Variants in NAB1 observed in about 807,000 individuals in gnomAD.
NAB1 encodes the protein NGFI-A-binding protein 1.
In NAB1, 25 loss-of-function variants were observed where a neutral mutation model predicts 49.9. The observed-to-expected ratio is 0.50, with a 90% CI of 0.37 to 0.70. NAB1 has a LOEUF of 0.70. NAB1 is among the 30% of genes least tolerant of loss of function. The pLI, the probability that NAB1 is intolerant of heterozygous loss-of-function variation, is 0.00. For synonymous variants in NAB1, 198 were observed against 215.6 expected (o/e 0.92, Z 0.71); for missense variants, 489 against 575.9 (o/e 0.85, Z 1.54).
Position 190,673,082 on chromosome 2 carries a change from T to C in NAB1, c.954-19T>C, listed in dbSNP as rs750903508. ...ACTTTCTCAAGTTTTTTTTTTTTTT[T>C]CTCTCCCCTTTCCCTTAGGTCAAAA... On this transcript the variant is annotated intron_variant, in intron 5 of 9. Transcript: ENST00000337386. 132 of 1,586,028 alleles carry C rather than the reference T, an allele frequency of 8.3e-5. No homozygotes were observed. Among genetic ancestry groups the C allele is most frequent in the Non-Finnish European group, 1.1e-4 (126 of 1,167,740 alleles).
At position 190,689,539 on chromosome 2, in the gene NAB1, G is replaced by A. The variant is rs1041043539; in HGVS notation, c.1376-706G>A. ...GTGATGTGGATGTTTGCATGTATAT[G>A]TGTGTGTACATATCTCCCAGTATTT... On this transcript the variant is annotated intron_variant, in intron 9 of 9. Transcript: ENST00000337386. This position sits in a 1 kb window ranked among gnomAD's most constrained non-coding sequence, Gnocchi z 4.3. Among the ~76,000 whole-genome samples the A allele has an allele frequency of 6.6e-6, 1 of 152,166 alleles. No homozygotes were observed. The highest frequency in any genetic ancestry group is 1.5e-5 in the Non-Finnish European group (1 of 68,022).
intron 6 of NAB1, 78 bp downstream of exon 6, chr2:190,673,230 C>A: frequency 7.3e-7 from 1 of 1,366,548 alleles, no homozygotes; most frequent in Non-Finnish European, 1.0e-6. Flanking sequence ...TTAACTAGTT[C>A]AGACAAAAAA....
Position 190,686,737 on chromosome 2 carries a change from A to G in NAB1, c.1259-464A>G, listed in dbSNP as rs570072865. Among the ~76,000 whole-genome samples, 5 of 152,030 alleles carry G rather than the reference A, an allele frequency of 3.3e-5. No individual in the cohort carries two copies. The highest frequency in any genetic ancestry group is 5.9e-5 in the Non-Finnish European group (4 of 68,006). On this transcript the variant is annotated intron_variant, in intron 8 of 9. Transcript: ENST00000337386. The surrounding 1 kb of genome is among the most constrained non-coding windows in gnomAD (Gnocchi z 5.5). ...AGTACATGACAACATGATTGGGTGT[A>G]TAATTTTTTCCCATATTTGTGCTAA...
At chr2:190,653,160 C>T (rs1693751852) in intron 2 of NAB1, among the ~76,000 whole-genome samples, 1 of 152,140 alleles carries the variant, frequency 6.6e-6, no homozygotes, top group African/African-American at 2.4e-5. Flanking sequence ...ACCCATTTCA[C>T]CCTTCTCTCA....
intron 2 of NAB1, among the ~76,000 whole-genome samples, chr2:190,653,110 CTTGT>C (rs1428792596): frequency 2.0e-5 from 3 of 152,168 alleles, no homozygotes; most frequent in Non-Finnish European, 2.9e-5. Flanking sequence ...AAATCAAATT[CTTGT>C]TTGTTATAAA....
intron 4 of NAB1, among the ~76,000 whole-genome samples, chr2:190,668,667 A>G (rs934474356): frequency 6.6e-6 from 1 of 152,220 alleles, no homozygotes; most frequent in Non-Finnish European, 1.5e-5. Flanking sequence ...GAATATTGTC[A>G]TTCTGGATGG....
intron 4 of NAB1, among the ~76,000 whole-genome samples, chr2:190,664,790 T>TTA (rs1396795958): frequency 1.3e-5 from 2 of 151,810 alleles, no homozygotes; most frequent in Non-Finnish European, 2.9e-5. Context: ...AATCCATGTT[T>TTA]TATATATATC....
In NAB1 at chr2:190,675,099, G is replaced by A. The variant is rs1695007005; in HGVS notation, c.1005+1947G>A. The stretch of plus-strand genomic sequence containing the variant: ...GTTAATGACTCACTGCCACTGAAAG[G>A]GAAAGGCAGGTGAACATAGAAACTG... On this transcript the variant is annotated intron_variant, in intron 6 of 9. Coordinates refer to ENST00000337386, the MANE Select transcript of NAB1 (RefSeq NM_005966.4). This position sits in a 1 kb window ranked among gnomAD's most constrained non-coding sequence, Gnocchi z 5.2. Among the ~76,000 whole-genome samples the A allele has an allele frequency of 6.6e-6, 1 of 152,224 alleles. No homozygotes were observed. The highest frequency in any genetic ancestry group is 1.5e-5 in the Non-Finnish European group (1 of 68,036).
At position 190,684,468 on chromosome 2, in the gene NAB1, T is replaced by C. The variant is rs184205010; in HGVS notation, c.1095+641T>C. Among the ~76,000 whole-genome samples, 533 of 152,300 alleles carry C rather than the reference T, an allele frequency of 3.5e-3. 4 individuals are homozygous for C. The highest frequency in any genetic ancestry group is 4.9e-3 in the Non-Finnish European group (330 of 68,010). ...TTTTCATGTTAGGATGAAAAATACA[T>C]TTTTTACCTCAGATATGCTTATTTA... On this transcript the variant is annotated intron_variant, in intron 7 of 9. Coordinates refer to ENST00000337386, the MANE Select transcript of NAB1 (RefSeq NM_005966.4). This position sits in a 1 kb window ranked among gnomAD's most constrained non-coding sequence, Gnocchi z 4.6.
At position 190,677,551 on chromosome 2, in the gene NAB1, TTA is replaced by T. The variant is rs1425948402; in HGVS notation, c.1005+4401_1005+4402del. The T allele has an allele frequency of 6.6e-6, 1 of 152,248 alleles. No individual in the cohort carries two copies. The highest frequency in any genetic ancestry group is 1.9e-4 in the East Asian group (1 of 5,208). The allele number at this position is 152,248 out of a possible 1,614,324, so 9.4% of individuals were successfully genotyped here. A position where few individuals can be genotyped will look rare whatever the true frequency, so the allele number is the denominator to read the frequency against. On this transcript the variant is annotated intron_variant, in intron 6 of 9. Coordinates refer to ENST00000337386, the MANE Select transcript of NAB1 (RefSeq NM_005966.4). The surrounding 1 kb of genome is among the most constrained non-coding windows in gnomAD (Gnocchi z 5.6). ...GAAAATAGATTTTGTTTATTCTTAC[TTA>T]TCTTTTGAATTAGATCTAATTAAAT...
rs1694982468 is a variant in NAB1, at chr2:190,674,605, C to T, written c.1005+1453C>T. Among the ~76,000 whole-genome samples the T allele has an allele frequency of 6.6e-6, 1 of 152,224 alleles. No individual in the cohort carries two copies. Among genetic ancestry groups the T allele is most frequent in the African/African-American group, 2.4e-5 (1 of 41,452 alleles). On this transcript the variant is annotated intron_variant, in intron 6 of 9. Transcript: ENST00000337386. This position sits in a 1 kb window ranked among gnomAD's most constrained non-coding sequence, Gnocchi z 5.7. ...GCTGCTGTATACTTAGAGTTTGTAACAGCCTTGCACCTAATAGGCACTTAA... is the reference window on the plus strand; with the variant it reads ...GCTGCTGTATACTTAGAGTTTGTAATAGCCTTGCACCTAATAGGCACTTAA...
rs1241440981 is a variant in NAB1, at chr2:190,687,208, A to T, written c.1266A>T (p.Arg422Ser). ...CTTTTTTCTTTTCATTAGGAGAAAG[A>T]CCTTTGAATCTCCGAATGCCTAATT... ...TSDNSDGQGE[R>S]PLNLRMPNLQ... Residue 422 changes from arginine to serine, a missense_variant, in exon 9 of 10, where the codon AGA (arginine) becomes AGT (serine). By Grantham distance (110) the Arg-to-Ser change is moderately radical. Transcript: ENST00000337386. The T allele has an allele frequency of 4.5e-6, 7 of 1,568,430 alleles. No homozygotes were observed. Among genetic ancestry groups the T allele is most frequent in the Non-Finnish European group, 6.0e-6 (7 of 1,163,868 alleles).
In NAB1 at chr2:190,669,634, T is replaced by C. The variant is rs1002521282; in HGVS notation, c.820-692T>C. ...TTTCCTATATCTATTGACAAAATTA[T>C]GTGAAAAAATTTCTAGTTTGTTAAA... is the stretch of plus-strand genomic sequence containing the variant. On this transcript the variant is annotated intron_variant, in intron 4 of 9. Coordinates refer to ENST00000337386, the MANE Select transcript of NAB1 (RefSeq NM_005966.4). This position sits in a 1 kb window ranked among gnomAD's most constrained non-coding sequence, Gnocchi z 4.3. Among the ~76,000 whole-genome samples the C allele has an allele frequency of 6.6e-6, 1 of 152,216 alleles. No individual in the cohort carries two copies. Among genetic ancestry groups the C allele is most frequent in the African/African-American group, 2.4e-5 (1 of 41,452 alleles).
chr2:190,672,964 C>T, intron 5 of NAB1, 137 bp from the exon 6 acceptor site: 1 of 712,548 alleles, frequency 1.4e-6, no homozygotes, highest in African/African-American at 1.8e-5. Context: ...TTTTAATGAT[C>T]ATTATGAATA....
chr2:190,662,348 A>G (rs1463350475), intron 4 of NAB1, among the ~76,000 whole-genome samples: 2 of 151,764 alleles, frequency 1.3e-5, no homozygotes, highest in Non-Finnish European at 2.9e-5. Context: ...CCAAATGTAC[A>G]CCGTAAAGAA....
rs115686837 is a variant in NAB1, at chr2:190,675,920, A to G, written c.1005+2768A>G. On this transcript the variant is annotated intron_variant, in intron 6 of 9. Coordinates refer to ENST00000337386, the MANE Select transcript of NAB1 (RefSeq NM_005966.4). The surrounding 1 kb of genome is among the most constrained non-coding windows in gnomAD (Gnocchi z 5.2). ...GATGGTGTAATCCTTTGCAAAATAT[A>G]TAGTATTGGTATGAATCCTTGTCTG... 8.8e-3 allele frequency among the ~76,000 whole-genome samples: 1,338 copies of G among 152,284 alleles called. 24 individuals carry two copies. Among genetic ancestry groups the G allele is most frequent in the African/African-American group, 0.03 (1,257 of 41,564 alleles).
chr2:190,690,481 G>A lies in NAB1; in HGVS notation c.*148G>A. 1 of 568,564 alleles carries A rather than the reference G, an allele frequency of 1.8e-6. No individual in the cohort carries two copies. Among genetic ancestry groups the A allele is most frequent in the East Asian group, 2.7e-5 (1 of 37,122 alleles). The allele number at this position is 568,564 out of a possible 1,614,324, so 35.2% of individuals were successfully genotyped here. ...CAAAAGGACTGGTACGGTAGTCTGT[G>A]GAAACCAGGAAGATAAAACAACAGC... is the stretch of plus-strand genomic sequence containing the variant. On this transcript the variant is annotated 3_prime_UTR_variant, in exon 10 of 10. Coordinates refer to ENST00000337386, the MANE Select transcript of NAB1 (RefSeq NM_005966.4).
chr2:190,650,515 ACTTAC>A (rs1427142787), intron 2 of NAB1, among the ~76,000 whole-genome samples: 1 of 152,212 alleles, frequency 6.6e-6, no homozygotes, highest in Non-Finnish European at 1.5e-5. Flanking sequence ...TCACGCAATG[ACTTAC>A]CTTCCTAGGT....
chr2:190,659,628 C>A lies in NAB1; in HGVS notation c.452C>A (p.Ala151Glu). The change falls in exon 4 of 10, where the codon GCA (alanine) becomes GAA (glutamate). Residue 151 changes from alanine (A) to glutamate (E), a missense_variant. Transcript: ENST00000337386. This position sits in a 1 kb window ranked among gnomAD's most constrained non-coding sequence, Gnocchi z 6.2. ...AAGTCAGATGTGGTTGGGAGCCTAGCACTGCAGAGTGTTGGTGAGTCCAGA... is the reference window on the plus strand; with the variant it reads ...AAGTCAGATGTGGTTGGGAGCCTAGAACTGCAGAGTGTTGGTGAGTCCAGA... Reference protein sequence around the residue: ...QGKSDVVGSLALQSVGESRLW... With the variant: ...QGKSDVVGSLELQSVGESRLW... The A allele has an allele frequency of 6.2e-7, 1 of 1,614,142 alleles. No individual in the cohort carries two copies. Among genetic ancestry groups the A allele is most frequent in the Non-Finnish European group, 8.5e-7 (1 of 1,180,030 alleles).
Sources: gnomAD v4.1 joint callset for allele counts (sites outside exome capture counted in the v4.1 genomes callset) on GRCh38, gnomAD v4.1.1 for gene constraint, Gnocchi (gnomAD v3.1) non-coding constraint, MANE v1.5 for transcripts, NCBI Gene and HGNC (gene_info 2026-07-23, HGNC 2026-07-21) for gene names.